The following GNB1L variants were observed in gnomAD, a reference collection of about 807,000 sequenced individuals.
The protein encoded by GNB1L is G protein subunit beta 1 like, also known as guanine nucleotide-binding protein subunit beta-like protein 1.
A neutral mutation model predicts 29.1 loss-of-function variants in GNB1L; 20 were observed. That is an observed-to-expected ratio of 0.69 (90% CI 0.48 to 1.00). The LOEUF (loss-of-function observed/expected upper bound fraction) is 1.00, where lower values mean the gene tolerates loss of function less well. Ranked by LOEUF, GNB1L falls within the 50% of genes least tolerant of loss-of-function variation. The pLI, the probability that GNB1L is intolerant of heterozygous loss-of-function variation, is 0.00. For missense variants in GNB1L, 421 were observed against 464.9 expected, an observed-to-expected ratio of 0.91 and a Z score of 0.87; for synonymous variants, 193 against 206.5, an observed-to-expected ratio of 0.93 and a Z score of 0.56.
At chr22:19,815,607 A>G (rs1012182563) in intron 4 of GNB1L, among the ~76,000 whole-genome samples, 6 of 152,042 alleles carry the variant, frequency 3.9e-5, no homozygotes, top group Non-Finnish European at 7.4e-5. Context: ...CTTTGAGACA[A>G]TATCTTGATT....
At position 19,791,351 on chromosome 22, in the gene GNB1L, T is replaced by A. The variant is rs111678714; in HGVS notation, c.733-2391A>T. Among the ~76,000 whole-genome samples, 417 of 152,382 alleles carry A rather than the reference T, an allele frequency of 2.7e-3. 5 individuals are homozygous for A. Among genetic ancestry groups the A allele is most frequent in the African/African-American group, 9.6e-3 (399 of 41,594 alleles). On this transcript the variant is annotated intron_variant, in intron 7 of 7. Coordinates refer to ENST00000329517, the MANE Select transcript of GNB1L (RefSeq NM_053004.3). ...AGAAACTGGTACCAGACTAGTCTTC[T>A]TGCTGTAAACAACCATAAAAAGTGG... is the stretch of plus-strand genomic sequence containing the variant.
chr22:19,850,550 C>A, intron 2 of GNB1L: 1 of 1,105,968 alleles, frequency 9.0e-7, no homozygotes, highest in Non-Finnish European at 1.1e-6. Context: ...GCATCCAAAC[C>A]TTCCAGCTGC....
chr22:19,822,477 C>T (rs1937587514), intron 2 of GNB1L, among the ~76,000 whole-genome samples: 1 of 152,228 alleles, frequency 6.6e-6, no homozygotes, highest in South Asian at 2.1e-4. Flanking sequence ...TGTGGGGTGG[C>T]CCTGGAGCCA....
At chr22:19,790,437 A>G (rs1294310616) in intron 7 of GNB1L, among the ~76,000 whole-genome samples, 1 of 152,142 alleles carries the variant, frequency 6.6e-6, no homozygotes, top group African/African-American at 2.4e-5. Context: ...CAAAAATAGC[A>G]TTATTTCCTT....
intron 7 of GNB1L, among the ~76,000 whole-genome samples, chr22:19,800,431 G>A (rs547220794): frequency 6.6e-6 from 1 of 152,324 alleles, no homozygotes; most frequent in Admixed American, 6.5e-5. Flanking sequence ...GACCCCATGG[G>A]GGCAGCCCTG....
chr22:19,823,021 A>T (rs1937591462), intron 2 of GNB1L, among the ~76,000 whole-genome samples: 1 of 152,000 alleles, frequency 6.6e-6, no homozygotes. Flanking sequence ...GGCATGGGGG[A>T]GGGCAGGAGG....
chr22:19,821,227 C>A lies in GNB1L; in HGVS notation c.128+1G>T. The A allele has an allele frequency of 1.2e-6, 2 of 1,608,514 alleles. No homozygotes were observed. The highest frequency in any genetic ancestry group is 1.1e-5 in the South Asian group (1 of 90,692). ...CTGGGGCTGGGGCCACAGCTACTCA[C>A]CCTGAGAAGAGGAGCGGGCGCCCCT... On this transcript the variant is annotated splice_donor_variant, in intron 3 of 7. Transcript: ENST00000329517. LOFTEE classifies it high-confidence loss of function.
chr22:19,808,340 C>G (rs755507007), intron 5 of GNB1L, among the ~76,000 whole-genome samples: 11 of 152,136 alleles, frequency 7.2e-5, no homozygotes, highest in Non-Finnish European at 1.3e-4. Flanking sequence ...AAGGGGCCCC[C>G]GGGGAACAAA....
At chr22:19,797,894 C>T (rs372787569) in intron 7 of GNB1L, among the ~76,000 whole-genome samples, 61 of 152,310 alleles carry the variant, frequency 4.0e-4, no homozygotes, top group African/African-American at 1.3e-3. Flanking sequence ...ACAGTCCCAG[C>T]ACATCCCAGA....
intron 2 of GNB1L, among the ~76,000 whole-genome samples, chr22:19,833,202 G>T (rs1002981548): frequency 6.6e-6 from 1 of 152,238 alleles, no homozygotes; most frequent in East Asian, 1.9e-4. Flanking sequence ...ACCTTGAGAA[G>T]ATTCAGATGT....
chr22:19,805,739 G>A (rs1045869037), intron 6 of GNB1L, among the ~76,000 whole-genome samples: 1 of 151,770 alleles, frequency 6.6e-6, no homozygotes, highest in African/African-American at 2.4e-5. Context: ...CAGAGATCGC[G>A]CCACTGCACT....
At chr22:19,803,515 G>A (rs915718197) in intron 6 of GNB1L, among the ~76,000 whole-genome samples, 3 of 152,170 alleles carry the variant, frequency 2.0e-5, no homozygotes, top group Non-Finnish European at 2.9e-5. Flanking sequence ...ACGCTCCTGC[G>A]TGTGCTGTTT....
chr22:19,820,511 C>A, intron 4 of GNB1L, 87 bp downstream of exon 4: 1 of 1,407,264 alleles, frequency 7.1e-7, no homozygotes. Flanking sequence ...CCCATTCTGC[C>A]CCTCAGTGGG....
intron 4 of GNB1L, among the ~76,000 whole-genome samples, chr22:19,819,159 A>G (rs1329883579): frequency 6.6e-6 from 1 of 152,214 alleles, no homozygotes; most frequent in Non-Finnish European, 1.5e-5. Flanking sequence ...CCACACTCAG[A>G]GGCAGGCCCT....
chr22:19,845,803 T>C (rs754626590), intron 2 of GNB1L, among the ~76,000 whole-genome samples: 6 of 152,228 alleles, frequency 3.9e-5, no homozygotes, highest in Non-Finnish European at 8.8e-5. Flanking sequence ...TGAACACTGC[T>C]GGGGCTGGGC....
At chr22:19,814,368 C>T (rs1937517411) in intron 4 of GNB1L, among the ~76,000 whole-genome samples, 2 of 152,172 alleles carry the variant, frequency 1.3e-5, no homozygotes, top group Non-Finnish European at 2.9e-5. Flanking sequence ...CCTCCCGTCT[C>T]GGCCTCCTGA....
intron 7 of GNB1L, among the ~76,000 whole-genome samples, chr22:19,793,931 C>A (rs570713825): frequency 6.6e-6 from 1 of 152,142 alleles, no homozygotes; most frequent in East Asian, 1.9e-4. Flanking sequence ...CCAGAAATGG[C>A]AAAGGGGTGA....
intron 2 of GNB1L, among the ~76,000 whole-genome samples, chr22:19,822,467 T>C (rs1214749724): frequency 6.6e-6 from 1 of 152,190 alleles, no homozygotes; most frequent in Non-Finnish European, 1.5e-5. Flanking sequence ...CTGGCTGCTC[T>C]GTGGGGTGGC....
intron 2 of GNB1L, chr22:19,848,899 G>C: frequency 1.0e-6 from 1 of 985,406 alleles, no homozygotes; most frequent in Non-Finnish European, 1.2e-6. Context: ...CAGGGTAAAG[G>C]TCAGCTGGGT....
Sources: allele counts gnomAD v4.1 joint callset (sites outside exome capture counted in the v4.1 genomes callset), GRCh38; gene constraint gnomAD v4.1.1; transcripts MANE v1.5; gene names NCBI Gene and HGNC (gene_info 2026-07-23, HGNC 2026-07-21).